SGCG: variants seen among roughly 807,000 people sequenced by gnomAD.
SGCG encodes gamma-sarcoglycan.
Under a neutral mutation model 29.3 loss-of-function variants are expected in SGCG, and 26 were observed. The ratio of observed to expected loss-of-function variants is 0.89; its 90% CI spans 0.65 to 1.23. The LOEUF is 1.23. Among genes scored for constraint, SGCG ranks in the 50% most tolerant of loss-of-function variants. SGCG has a pLI of 0.00. For synonymous variants in SGCG, 145 were observed against 129.7 expected, an observed-to-expected ratio of 1.12 and a Z score of -0.80; for missense variants, 353 against 356.0, an observed-to-expected ratio of 0.99 and a Z score of 0.07.
chr13:23,185,397 G>C (rs1188293097), intron 1 of SGCG, among the ~76,000 whole-genome samples: 1 of 152,092 alleles, frequency 6.6e-6, no homozygotes, highest in Non-Finnish European at 1.5e-5. Context: ...TCGTCATGTT[G>C]GCCAGAATGG....
intron 3 of SGCG, chr13:23,246,710 CAT>C (rs1209266267): frequency 2.3e-5 from 5 of 218,206 alleles, no homozygotes; most frequent in South Asian, 1.6e-4. Context: ...GTGCACCACA[CAT>C]GTCCCAGAGC....
chr13:23,278,888 C>T (rs1881194455), intron 4 of SGCG, among the ~76,000 whole-genome samples: 1 of 152,168 alleles, frequency 6.6e-6, no homozygotes, highest in African/African-American at 2.4e-5. Context: ...GTGAGCAGCC[C>T]TTCTGAGAAT....
the SGCG span, among the ~76,000 whole-genome samples, chr13:23,166,385 G>C: frequency 5.3e-5 from 8 of 152,070 alleles, no homozygotes; most frequent in African/African-American, 1.9e-4. Context: ...TAGTAGAGAT[G>C]AGGTTTCACC....
intron 6 of SGCG, among the ~76,000 whole-genome samples, chr13:23,307,234 G>T (rs759251907): frequency 6.6e-6 from 1 of 152,110 alleles, no homozygotes; most frequent in Admixed American, 6.5e-5. Context: ...AGACTGAATT[G>T]GGTATGTCAT....
intron 1 of SGCG, among the ~76,000 whole-genome samples, chr13:23,191,121 ATCT>A (rs1457198884): frequency 1.3e-4 from 20 of 152,232 alleles, no homozygotes; most frequent in South Asian, 4.1e-4. Flanking sequence ...GACATAAATC[ATCT>A]TCTTCATTTG....
chr13:23,321,653 G>A (rs1883045990), intron 7 of SGCG, among the ~76,000 whole-genome samples: 1 of 152,206 alleles, frequency 6.6e-6, no homozygotes, highest in Non-Finnish European at 1.5e-5. Context: ...TCCTGGGCTG[G>A]ACGGCTCAAG....
intron 5 of SGCG, among the ~76,000 whole-genome samples, chr13:23,290,555 G>A (rs1881663814): frequency 6.6e-6 from 1 of 152,140 alleles, no homozygotes; most frequent in Admixed American, 6.6e-5. Flanking sequence ...ATTTTTCATT[G>A]GAGTAATAAA....
At chr13:23,265,348 G>A (rs962603281) in intron 4 of SGCG, among the ~76,000 whole-genome samples, 1 of 152,208 alleles carries the variant, frequency 6.6e-6, no homozygotes, top group African/African-American at 2.4e-5. Context: ...GGAATCCGAA[G>A]CAGGAGGATC....
chr13:23,313,619 A>G (rs1180750826), intron 6 of SGCG, among the ~76,000 whole-genome samples: 1 of 152,228 alleles, frequency 6.6e-6, no homozygotes, highest in East Asian at 1.9e-4. Context: ...TTTAAAAAGG[A>G]GCACAACTTA....
At chr13:23,223,267 ACT>A (rs1445914526) in intron 2 of SGCG, among the ~76,000 whole-genome samples, 1 of 109,250 alleles carries the variant, frequency 9.2e-6, no homozygotes, top group Non-Finnish European at 1.8e-5. Flanking sequence ...ACAGAGTCAG[ACT>A]CTGTCACAAA....
intron 1 of SGCG, among the ~76,000 whole-genome samples, chr13:23,200,002 A>G (rs754169338): frequency 2.0e-5 from 3 of 152,228 alleles, no homozygotes; most frequent in Non-Finnish European, 4.4e-5. Flanking sequence ...TCTGAGTCCT[A>G]AACAACTAAT....
intron 2 of SGCG, among the ~76,000 whole-genome samples, chr13:23,208,576 A>G (rs543520182): frequency 8.6e-4 from 131 of 152,246 alleles, no homozygotes; most frequent in African/African-American, 3.1e-3. Flanking sequence ...CTGGGGTTAG[A>G]AAGAGCCCAA....
chr13:23,237,503 T>C (rs565013733), intron 3 of SGCG, among the ~76,000 whole-genome samples: 37 of 152,278 alleles, frequency 2.4e-4, no homozygotes, highest in Non-Finnish European at 4.6e-4. Flanking sequence ...AGAAAACAAC[T>C]ACAACTATTT....
upstream of SGCG, among the ~76,000 whole-genome samples, chr13:23,177,324 G>A (rs1876589254): frequency 2.0e-5 from 3 of 152,042 alleles, no homozygotes; most frequent in Admixed American, 1.3e-4. Flanking sequence ...CAACACAAAG[G>A]TATTGTGTAT....
chr13:23,208,047 C>G (rs886606879), intron 2 of SGCG, among the ~76,000 whole-genome samples: 1 of 152,000 alleles, frequency 6.6e-6, no homozygotes, highest in Non-Finnish European at 1.5e-5. Context: ...AGTAATACGT[C>G]TATAAAAGAA....
intron 2 of SGCG, among the ~76,000 whole-genome samples, chr13:23,216,621 C>A (rs1490074710): frequency 6.6e-6 from 1 of 152,070 alleles, no homozygotes; most frequent in Non-Finnish European, 1.5e-5. Flanking sequence ...CTTGAGTAAA[C>A]TGTTGTATAA....
intron 3 of SGCG, among the ~76,000 whole-genome samples, chr13:23,238,305 A>C (rs911701306): frequency 6.6e-6 from 1 of 152,188 alleles, no homozygotes; most frequent in Non-Finnish European, 1.5e-5. Flanking sequence ...CTGCACGTGG[A>C]CAGCGCTCCA....
intron 3 of SGCG, chr13:23,246,502 T>C (rs564008555): frequency 6.6e-6 from 1 of 152,492 alleles, no homozygotes; most frequent in African/African-American, 2.4e-5. Flanking sequence ...CATTTCTTGC[T>C]TCGACAATCC....
At chr13:23,250,979 T>C (rs1299425712) in intron 4 of SGCG, among the ~76,000 whole-genome samples, 1 of 152,166 alleles carries the variant, frequency 6.6e-6, no homozygotes, top group East Asian at 1.9e-4. Context: ...ACAAAATGTT[T>C]ATTGTGGGTT....
Sources: gnomAD v4.1 joint callset for allele counts (sites outside exome capture counted in the v4.1 genomes callset) on GRCh38, gnomAD v4.1.1 for gene constraint, MANE v1.5 for transcripts, NCBI Gene and HGNC (gene_info 2026-07-23, HGNC 2026-07-21) for gene names.